Variants in N4BP1 observed in about 807,000 individuals in gnomAD.
N4BP1 encodes NEDD4 binding protein 1, also known as NEDD4-binding protein 1.
A neutral mutation model predicts 70.9 loss-of-function variants in N4BP1; 21 were observed. The ratio of observed to expected loss-of-function variants is 0.30; its 90% CI spans 0.21 to 0.43. The LOEUF (loss-of-function observed/expected upper bound fraction) is 0.43, where lower values mean the gene tolerates loss of function less well. N4BP1 is among the 20% of genes least tolerant of loss of function. N4BP1 has a pLI of 1.00. For synonymous variants in N4BP1, 387 were observed against 394.6 expected (o/e 0.98, Z 0.23); for missense variants, 936 against 1,069.4 (o/e 0.88, Z 1.74).
chr16:48,561,590 T>C lies in N4BP1; in HGVS notation c.1053A>G (p.Val351=). 6.2e-7 allele frequency: 1 copy of C among 1,613,880 alleles called. No homozygotes were observed. The highest frequency in any genetic ancestry group is 8.5e-7 in the Non-Finnish European group (1 of 1,179,872). Residue 351 remains valine, a synonymous_variant, in exon 2 of 7, where the codon GTA becomes GTG. Transcript: ENST00000262384. ...AGTAGCCCATGGTTTTAAAAAAGTT[T>C]ACGAGGATGTTGTATTCCATTTCCT... ...TTEEMEYNIL[V]NFFKTMGYSQ...
At position 48,590,578 on chromosome 16, in the gene N4BP1, C is replaced by G. The variant is rs187438365; in HGVS notation, c.198+19197G>C. ...TCTGGCAATGGATCCAGAGGCCAGCCCAAGCGGCTGCCTAGTTCTCTTGGA... is the reference window on the plus strand; with the variant it reads ...TCTGGCAATGGATCCAGAGGCCAGCGCAAGCGGCTGCCTAGTTCTCTTGGA... On this transcript the variant is annotated intron_variant, in intron 1 of 6. Transcript: ENST00000262384. 2.6e-5 allele frequency among the ~76,000 whole-genome samples: 4 copies of G among 152,314 alleles called. No homozygotes were observed. In the East Asian group the frequency reaches 7.7e-4, roughly 29 times the overall value.
chr16:48,562,492 T>G, intron 1 of N4BP1, 48 bp from the exon 2 acceptor site: 1 of 1,438,352 alleles, frequency 7.0e-7, no homozygotes, highest in South Asian at 1.4e-5. Context: ...AAGTTCCTTA[T>G]AGCACATAAT....
chr16:48,575,526 T>C (rs1964079971), intron 1 of N4BP1, among the ~76,000 whole-genome samples: 1 of 152,186 alleles, frequency 6.6e-6, no homozygotes, highest in Non-Finnish European at 1.5e-5. Context: ...ACTTCTACCA[T>C]TCAAAACACA....
At chr16:48,569,755 T>G (rs1474318779) in intron 1 of N4BP1, among the ~76,000 whole-genome samples, 1 of 152,180 alleles carries the variant, frequency 6.6e-6, no homozygotes, top group Non-Finnish European at 1.5e-5. Context: ...GGGACTTGGA[T>G]GGTGGTCTTT....
intron 1 of N4BP1, among the ~76,000 whole-genome samples, chr16:48,602,557 A>G (rs1964517963): frequency 6.6e-6 from 1 of 152,168 alleles, no homozygotes; most frequent in East Asian, 1.9e-4. Context: ...CCATAAGAAG[A>G]GACTGAACAA....
chr16:48,584,593 T>C (rs1420004578), intron 1 of N4BP1, among the ~76,000 whole-genome samples: 2 of 148,074 alleles, frequency 1.4e-5, no homozygotes, highest in Middle Eastern at 3.4e-3. Context: ...ACTTTAAACA[T>C]GTTAGCCTTT....
chr16:48,580,399 G>A (rs1011815464), intron 1 of N4BP1, among the ~76,000 whole-genome samples: 1 of 152,080 alleles, frequency 6.6e-6, no homozygotes, highest in Non-Finnish European at 1.5e-5. Flanking sequence ...AAAACCTGAA[G>A]AGACTAATAA....
chr16:48,600,082 G>C lies in N4BP1; in HGVS notation c.198+9693C>G, dbSNP rs150513229. 129 of 353,884 alleles carry C rather than the reference G, an allele frequency of 3.6e-4. 1 individual carries two copies. Among genetic ancestry groups the C allele is most frequent in the African/African-American group, 2.5e-3 (118 of 46,634 alleles). The allele number at this position is 353,884 out of a possible 1,614,324, so 21.9% of individuals were successfully genotyped here. A position where few individuals can be genotyped will look rare whatever the true frequency, so the allele number is the denominator to read the frequency against. On this transcript the variant is annotated intron_variant, in intron 1 of 6. Coordinates refer to ENST00000262384, the MANE Select transcript of N4BP1 (RefSeq NM_153029.4). ...TTAATTTAAAAAATACCAGGGTCAAGAATGAAACATACTGTGAATTAAATA... is the reference window on the plus strand; with the variant it reads ...TTAATTTAAAAAATACCAGGGTCAACAATGAAACATACTGTGAATTAAATA...
intron 1 of N4BP1, among the ~76,000 whole-genome samples, chr16:48,589,801 T>C (rs1219647660): frequency 1.3e-5 from 2 of 152,228 alleles, no homozygotes; most frequent in African/African-American, 4.8e-5. Context: ...GAGGAAATTA[T>C]GACAGTGAAA....
At position 48,577,597 on chromosome 16, in the gene N4BP1, G is replaced by A. The variant is rs1757743135; in HGVS notation, c.199-15153C>T. On this transcript the variant is annotated intron_variant, in intron 1 of 6. Coordinates refer to ENST00000262384, the MANE Select transcript of N4BP1 (RefSeq NM_153029.4). Reference sequence around the variant, plus strand: ...GGTGTGGGTCTTGACGAGGTGGTCAGTGAATTCCTCATAGGGAGACTTGGT... The same window carrying A: ...GGTGTGGGTCTTGACGAGGTGGTCAATGAATTCCTCATAGGGAGACTTGGT... 4 of 216,170 alleles carry A rather than the reference G, an allele frequency of 1.9e-5. No homozygotes were observed. The South Asian group carries it at 3.4e-4, about 18-fold the overall frequency. 13.4% of individuals were successfully genotyped at this position (216,170 alleles called of 1,614,324 possible).
chr16:48,600,294 A>T, intron 1 of N4BP1: 2 of 1,130,012 alleles, frequency 1.8e-6, no homozygotes, highest in Non-Finnish European at 2.6e-6. Context: ...AAAGAAGCAC[A>T]ATCCTTGCAA....
At chr16:48,598,075 CCAGA>C (rs1355853861) in intron 1 of N4BP1, among the ~76,000 whole-genome samples, 2 of 152,190 alleles carry the variant, frequency 1.3e-5, no homozygotes, top group African/African-American at 2.4e-5. Flanking sequence ...GTGGAACATC[CCAGA>C]CAAAGCAACT....
At chr16:48,556,900 T>C (rs534400591) in intron 2 of N4BP1, among the ~76,000 whole-genome samples, 1 of 152,342 alleles carries the variant, frequency 6.6e-6, no homozygotes, top group Admixed American at 6.5e-5. Flanking sequence ...TGGAAAACTA[T>C]CACCCCATAT....
At chr16:48,563,652 T>C (rs973822201) in intron 1 of N4BP1, among the ~76,000 whole-genome samples, 1 of 152,206 alleles carries the variant, frequency 6.6e-6, no homozygotes, top group African/African-American at 2.4e-5. Context: ...TTGCTGGGAT[T>C]ACAATTAGTT....
At chr16:48,581,661 A>T (rs1281384076) in intron 1 of N4BP1, among the ~76,000 whole-genome samples, 1 of 152,210 alleles carries the variant, frequency 6.6e-6, no homozygotes, top group Non-Finnish European at 1.5e-5. Context: ...AAACGAAAAC[A>T]CTGACAAAAG....
chr16:48,574,043 G>C (rs1322715305), intron 1 of N4BP1, among the ~76,000 whole-genome samples: 1 of 152,128 alleles, frequency 6.6e-6, no homozygotes, highest in Non-Finnish European at 1.5e-5. Flanking sequence ...CGTTGTTCAA[G>C]GGTCAACTGC....
intron 1 of N4BP1, among the ~76,000 whole-genome samples, chr16:48,591,781 G>GA (rs74525646): frequency 0.011 from 1,470 of 136,524 alleles, 16 homozygotes; most frequent in Non-Finnish European, 0.015. Context: ...TTCCACTTTG[G>GA]AAAAAAAAAA....
chr16:48,548,548 A>G (rs564343742), intron 4 of N4BP1, among the ~76,000 whole-genome samples: 4 of 152,244 alleles, frequency 2.6e-5, no homozygotes, highest in African/African-American at 9.6e-5. Flanking sequence ...TTTCCTTTTT[A>G]AAAATTCATA....
intron 1 of N4BP1, among the ~76,000 whole-genome samples, chr16:48,593,958 T>C (rs898341112): frequency 1.3e-4 from 17 of 128,534 alleles, no homozygotes; most frequent in Non-Finnish European, 2.0e-4. Flanking sequence ...GCCGAGATCA[T>C]GCCACTGCAC....
Sources: gnomAD v4.1 joint callset for allele counts (sites outside exome capture counted in the v4.1 genomes callset) on GRCh38, gnomAD v4.1.1 for gene constraint, MANE v1.5 for transcripts, NCBI Gene and HGNC (gene_info 2026-07-23, HGNC 2026-07-21) for gene names.